CC2D2B: variants seen among roughly 807,000 people sequenced by gnomAD.
CC2D2B encodes the protein coiled-coil and C2 domain containing 2B, also known as protein CC2D2B.
A neutral mutation model predicts 161.2 loss-of-function variants in CC2D2B; 128 were observed. That is an observed-to-expected ratio of 0.79 (90% CI 0.69 to 0.92). The LOEUF (loss-of-function observed/expected upper bound fraction) is 0.92. Ranked by LOEUF, CC2D2B falls within the 40% of genes least tolerant of loss-of-function variation. The probability of loss-of-function intolerance (pLI) is 0.00; values close to 1 mark genes in which losing one functional copy is unlikely to be tolerated. For synonymous variants in CC2D2B, 391 were observed against 449.8 expected (o/e 0.87, Z 1.65); for missense variants, 1,173 against 1,375.1 (o/e 0.85, Z 2.32).
At chr10:95,935,083 C>T (rs2075770559) in intron 6 of CC2D2B, among the ~76,000 whole-genome samples, 1 of 152,190 alleles carries the variant, frequency 6.6e-6, no homozygotes, top group African/African-American at 2.4e-5. Context: ...GTTGGCCAGG[C>T]TGGTCTCAAA....
intron 11 of CC2D2B, among the ~76,000 whole-genome samples, chr10:95,959,848 C>T (rs1283816558): frequency 6.6e-6 from 1 of 152,036 alleles, no homozygotes; most frequent in African/African-American, 2.4e-5. Context: ...TATGTTACTT[C>T]AGTATTCTAA....
intron 10 of CC2D2B, among the ~76,000 whole-genome samples, chr10:95,953,499 G>A (rs1380023778): frequency 6.6e-6 from 1 of 152,190 alleles, no homozygotes; most frequent in Non-Finnish European, 1.5e-5. Flanking sequence ...ACTGAGCTTG[G>A]CAAGCATTTT....
intron 11 of CC2D2B, among the ~76,000 whole-genome samples, chr10:95,959,411 T>C (rs1453517219): frequency 6.6e-6 from 1 of 152,146 alleles, no homozygotes; most frequent in Non-Finnish European, 1.5e-5. Flanking sequence ...GTGATTCTGA[T>C]GCACAAAAAA....
At chr10:95,942,918 A>G (rs969996979) in intron 9 of CC2D2B, among the ~76,000 whole-genome samples, 7 of 151,984 alleles carry the variant, frequency 4.6e-5, no homozygotes, top group African/African-American at 1.5e-4. Context: ...TAACTTTTCT[A>G]TTTTCACAGA....
chr10:95,941,507 A>G (rs897894901), intron 9 of CC2D2B, among the ~76,000 whole-genome samples: 2 of 152,194 alleles, frequency 1.3e-5, no homozygotes, highest in African/African-American at 4.8e-5. Flanking sequence ...AAATTAAAAA[A>G]TGGGAAAAAG....
At chr10:95,926,563 C>T (rs1421240635) in intron 5 of CC2D2B, among the ~76,000 whole-genome samples, 1 of 150,756 alleles carries the variant, frequency 6.6e-6, no homozygotes, top group East Asian at 1.9e-4. Flanking sequence ...TTATATTTTA[C>T]ATATTTTAAA....
Position 95,996,461 on chromosome 10 carries a change from A to G in CC2D2B, c.2849+209A>G, listed in dbSNP as rs2078234180. On this transcript the variant is annotated intron_variant, in intron 24 of 34. Transcript: ENST00000646931. ...GTATATATAAACATAAGTTCTAAAG[A>G]AAAGTAATAAAATGAATATCTATGT... 2.0e-5 allele frequency among the ~76,000 whole-genome samples: 3 copies of G among 152,220 alleles called. No homozygotes were observed. The South Asian group carries it at 6.2e-4, about 31-fold the overall frequency.
intron 11 of CC2D2B, among the ~76,000 whole-genome samples, chr10:95,959,684 T>A (rs1257393466): frequency 1.3e-5 from 2 of 151,888 alleles, no homozygotes; most frequent in African/African-American, 4.8e-5. Flanking sequence ...TATTCCAATT[T>A]GGAATAATCC....
At chr10:95,913,222 T>C (rs1361268096) in intron 2 of CC2D2B, among the ~76,000 whole-genome samples, 1 of 152,204 alleles carries the variant, frequency 6.6e-6, no homozygotes, top group African/African-American at 2.4e-5. Context: ...TTTTTCTTTC[T>C]GTGCCTGACT....
At chr10:95,914,986 T>C (rs2098513409) in intron 2 of CC2D2B, among the ~76,000 whole-genome samples, 1 of 152,196 alleles carries the variant, frequency 6.6e-6, no homozygotes, top group African/African-American at 2.4e-5. Context: ...TTGGATTGAA[T>C]ACGTAGATTG....
In CC2D2B at chr10:95,999,075, C is replaced by T. The variant is rs532534405; in HGVS notation, c.2849+2823C>T. Among the ~76,000 whole-genome samples, 34 of 152,030 alleles carry T rather than the reference C, an allele frequency of 2.2e-4. No homozygotes were observed. In the South Asian group the frequency reaches 6.6e-3, roughly 30 times the overall value. ...CAGCCTGGGCGACAGAAGGAGACTCCGTCTCAAAGAAAAAAACAAAAAACA... is the reference window on the plus strand; with the variant it reads ...CAGCCTGGGCGACAGAAGGAGACTCTGTCTCAAAGAAAAAAACAAAAAACA... On this transcript the variant is annotated intron_variant, in intron 24 of 34. Coordinates refer to ENST00000646931, the MANE Select transcript of CC2D2B (RefSeq NM_001349008.3).
chr10:96,008,606 G>A (rs1011474644), intron 25 of CC2D2B, among the ~76,000 whole-genome samples: 32 of 151,984 alleles, frequency 2.1e-4, no homozygotes, highest in African/African-American at 7.7e-4. Context: ...GTTGTGTGGT[G>A]GTTTCTCATT....
chr10:95,993,067 A>G (rs1167241221), intron 22 of CC2D2B: 1 of 161,482 alleles, frequency 6.2e-6, no homozygotes, highest in African/African-American at 2.4e-5. Flanking sequence ...GGAAGCAGAA[A>G]GGTGGAGAAA....
chr10:95,951,710 T>C (rs2141352357), intron 10 of CC2D2B, among the ~76,000 whole-genome samples: 1 of 152,328 alleles, frequency 6.6e-6, no homozygotes, highest in African/African-American at 2.4e-5. Flanking sequence ...AAATCTGATT[T>C]AGCAATATCA....
chr10:95,995,762 G>C (rs766046175), intron 23 of CC2D2B, among the ~76,000 whole-genome samples: 8 of 152,168 alleles, frequency 5.3e-5, no homozygotes, highest in Non-Finnish European at 1.2e-4. Flanking sequence ...CAAAGCACAC[G>C]CTCAAGCAAT....
chr10:95,963,705 G>A (rs996715500), intron 12 of CC2D2B, among the ~76,000 whole-genome samples: 1 of 152,140 alleles, frequency 6.6e-6, no homozygotes, highest in Admixed American at 6.6e-5. Context: ...CAAGGAAACA[G>A]GAGTATTTTA....
At chr10:96,025,160 T>TATATATATATAAAAAAAAA (rs2079651560) in intron 33 of CC2D2B, among the ~76,000 whole-genome samples, 9 of 6,196 alleles carry the variant, frequency 1.5e-3, no homozygotes, top group East Asian at 9.1e-3. Context: ...AAAAAATATA[T>TATATATATATAAAAAAAAA]ATATATATAT....
chr10:95,982,760 G>GT (rs938505292), intron 18 of CC2D2B, among the ~76,000 whole-genome samples: 36 of 151,818 alleles, frequency 2.4e-4, no homozygotes, highest in Non-Finnish European at 1.0e-4. Flanking sequence ...AGGTTTCTTT[G>GT]TTTTTTGTTG....
At chr10:95,919,045 G>A (rs1189585101) in intron 2 of CC2D2B, 1 of 151,992 alleles carries the variant, frequency 6.6e-6, no homozygotes, top group Non-Finnish European at 1.5e-5. Context: ...ATTTCACTGA[G>A]CTTCTTCAAA....
Sources: gnomAD v4.1 joint callset for allele counts (sites outside exome capture counted in the v4.1 genomes callset) on GRCh38, gnomAD v4.1.1 for gene constraint, MANE v1.5 for transcripts, NCBI Gene and HGNC (gene_info 2026-07-23, HGNC 2026-07-21) for gene names.